The following CEP350 variants were observed in gnomAD, a reference collection of about 807,000 sequenced individuals.
CEP350 encodes the protein centrosome-associated protein 350.
CEP350 carries 126 observed loss-of-function variants against 331.8 expected under a neutral mutation model. That is an observed-to-expected ratio of 0.38 (90% CI 0.33 to 0.44). The LOEUF is 0.44. Among genes scored for constraint, CEP350 ranks in the 20% least tolerant of loss-of-function variants. CEP350 has a pLI of 1.00. For synonymous variants in CEP350, 1,200 were observed against 1,259.5 expected, an observed-to-expected ratio of 0.95 and a Z score of 1.00; for missense variants, 3,406 against 3,634.6, an observed-to-expected ratio of 0.94 and a Z score of 1.62.
At chr1:180,087,850 A>C in intron 32 of CEP350, 133 bp downstream of exon 32, 1 of 997,418 alleles carries the variant, frequency 1.0e-6, no homozygotes, top group Non-Finnish European at 1.3e-6. Flanking sequence ...TTTTAGTGTC[A>C]GTAAATTAAA....
At chr1:179,964,769 T>A (rs893859432) in intron 1 of CEP350, among the ~76,000 whole-genome samples, 12 of 151,574 alleles carry the variant, frequency 7.9e-5, no homozygotes, top group African/African-American at 2.9e-4. Context: ...CTTCTCACTT[T>A]TTTTTTTTTT....
At chr1:180,083,466 G>A (rs1348958096) in intron 30 of CEP350, among the ~76,000 whole-genome samples, 2 of 152,154 alleles carry the variant, frequency 1.3e-5, no homozygotes, top group Non-Finnish European at 2.9e-5. Context: ...AGCTTTCAAA[G>A]AGAGATTACA....
chr1:180,093,446 T>C lies in CEP350; in HGVS notation c.7341T>C (p.His2447=). The change falls in exon 34 of 38, where the codon CAT becomes CAC. Residue 2447 remains histidine (H), a synonymous_variant. Coordinates refer to ENST00000367607, the MANE Select transcript of CEP350 (RefSeq NM_014810.5). The part of the protein sequence containing the change: ...ECLSEKSLSI[H]SNVHSDRLLE... Reference sequence around the variant, plus strand: ...TAAGTGAGAAAAGCCTTTCTATCCATAGCAATGTTCATTCTGACAGGCTGT... The same window carrying C: ...TAAGTGAGAAAAGCCTTTCTATCCACAGCAATGTTCATTCTGACAGGCTGT... 6.2e-7 allele frequency: 1 copy of C among 1,604,498 alleles called. No homozygotes were observed. The highest frequency in any genetic ancestry group is 8.5e-7 in the Non-Finnish European group (1 of 1,175,082).
In CEP350 at chr1:180,062,259, C is replaced by G; in HGVS notation, c.5302C>G (p.Arg1768Gly). 1 of 1,609,474 alleles carries G rather than the reference C, an allele frequency of 6.2e-7. No homozygotes were observed. Among genetic ancestry groups the G allele is most frequent in the Non-Finnish European group, 8.5e-7 (1 of 1,177,788 alleles). Reference protein sequence around the residue: ...KRLQEANKAARKERQLILKQQ... With the variant: ...KRLQEANKAAGKERQLILKQQ... ...TCTTCAAGAAGCCAATAAGGCAGCT[C>G]GGAAGGAAAGACAGCTGATTCTTAA... is the stretch of plus-strand genomic sequence containing the variant. Residue 1768 changes from arginine (R) to glycine (G), a missense_variant, in exon 26 of 38, where the codon CGG becomes GGG. Transcript: ENST00000367607.
In CEP350 at chr1:180,084,121, A is replaced by G. The variant is rs1347901917; in HGVS notation, c.6228A>G (p.Lys2076=). 2.5e-6 allele frequency: 4 copies of G among 1,589,060 alleles called. No individual in the cohort carries two copies. Among genetic ancestry groups the G allele is most frequent in the South Asian group, 1.2e-5 (1 of 86,932 alleles). The stretch of plus-strand genomic sequence containing the variant: ...TGAACCAGCTGAAGAAGGAACAGAA[A>G]AAAAGGCAAAAGGAAAGACTGAAAG... ...SVVNQLKKEQ[K]KRQKERLKAQ... Residue 2076 remains lysine, a synonymous_variant, in exon 31 of 38, where the codon AAA becomes AAG. Coordinates refer to ENST00000367607, the MANE Select transcript of CEP350 (RefSeq NM_014810.5).
In CEP350 at chr1:179,992,045, A is replaced by T; in HGVS notation, c.236-17A>T. Reference sequence around the variant, plus strand: ...TATTTTATATTATATGTTCTCACAGATTTCCTTTTCCTTCAGATGGTAGAT... The same window carrying T: ...TATTTTATATTATATGTTCTCACAGTTTTCCTTTTCCTTCAGATGGTAGAT... On this transcript the variant is annotated splice_polypyrimidine_tract_variant and intron_variant, in intron 4 of 37. Coordinates refer to ENST00000367607, the MANE Select transcript of CEP350 (RefSeq NM_014810.5). The T allele has an allele frequency of 6.6e-7, 1 of 1,512,888 alleles. No individual in the cohort carries two copies. 93.7% of individuals were successfully genotyped at this position (1,512,888 alleles called of 1,614,324 possible).
chr1:180,073,950 G>C, intron 27 of CEP350: 5 of 1,297,998 alleles, frequency 3.9e-6, no homozygotes, highest in Non-Finnish European at 5.1e-6. Flanking sequence ...GATAGAGCAT[G>C]CTCTGTTCTT....
rs367800044 is a variant in CEP350, at chr1:180,048,651, G to A, written c.4738G>A (p.Ala1580Thr). The A allele has an allele frequency of 2.5e-6, 4 of 1,612,282 alleles. No individual in the cohort carries two copies. The Admixed American group carries it at 5.0e-5, about 20-fold the overall frequency. The change falls in exon 22 of 38, where the codon GCT becomes ACT. Residue 1580 changes from alanine to threonine, a missense_variant. Transcript: ENST00000367607. ...TTCCATTGATGAACAGGTTCAGACT[G>A]CTGCAGATGATTCTCTACGAAGTGA... ...ESSIDEQVQT[A>T]ADDSLRSDSV...
At chr1:180,097,581 CAA>C (rs1660555445) in intron 36 of CEP350, among the ~76,000 whole-genome samples, 1 of 151,936 alleles carries the variant, frequency 6.6e-6, no homozygotes, top group South Asian at 2.1e-4. Context: ...ATAAAAGTAA[CAA>C]AATAAATTAT....
At chr1:179,971,322 C>T (rs989553729) in intron 1 of CEP350, among the ~76,000 whole-genome samples, 3 of 152,020 alleles carry the variant, frequency 2.0e-5, no homozygotes, top group South Asian at 4.1e-4. Context: ...AGCCACTGCG[C>T]CCTGCCTTGT....
At chr1:180,016,297 T>A (rs112476096) in intron 11 of CEP350, among the ~76,000 whole-genome samples, 1,524 of 152,326 alleles carry the variant, frequency 0.01, 27 homozygotes, top group African/African-American at 0.033. Flanking sequence ...TTGGTTAATT[T>A]CAAACGGGTT....
At chr1:180,030,528 G>C (rs1468196769) in intron 14 of CEP350, among the ~76,000 whole-genome samples, 1 of 151,756 alleles carries the variant, frequency 6.6e-6, no homozygotes. Context: ...GGAGGCCTGG[G>C]TGTATGTCAT....
intron 13 of CEP350, among the ~76,000 whole-genome samples, chr1:180,024,114 TTATAA>T (rs1167307284): frequency 6.6e-6 from 1 of 151,956 alleles, no homozygotes; most frequent in African/African-American, 2.4e-5. Flanking sequence ...GGAGAAATAG[TTATAA>T]TATATAAATT....
intron 1 of CEP350, among the ~76,000 whole-genome samples, chr1:179,974,846 T>C (rs1039903379): frequency 1.3e-5 from 2 of 151,950 alleles, no homozygotes; most frequent in Non-Finnish European, 2.9e-5. Context: ...GATAAATTCG[T>C]TGGACATGGT....
At chr1:179,995,551 G>A (rs112584834) in intron 5 of CEP350, among the ~76,000 whole-genome samples, 18,860 of 152,166 alleles carry the variant, frequency 0.12, 1,246 homozygotes, top group South Asian at 0.16. Context: ...GTTGCAGTGA[G>A]CGAGATCGCA....
intron 5 of CEP350, among the ~76,000 whole-genome samples, chr1:179,993,177 A>G (rs570560534): frequency 2.6e-5 from 4 of 152,166 alleles, no homozygotes; most frequent in South Asian, 4.2e-4. Flanking sequence ...TCGAAGCACT[A>G]GAAGTGCTGG....
chr1:179,993,413 A>G (rs1304939026), intron 5 of CEP350, among the ~76,000 whole-genome samples: 1 of 152,030 alleles, frequency 6.6e-6, no homozygotes, highest in East Asian at 1.9e-4. Flanking sequence ...TACATTTAAA[A>G]GTATGTAAAT....
rs142057657 is a variant in CEP350 at position 180,004,873 on chromosome 1, G to GGCTTGCTTGCTT, written c.1133-1556_1133-1545dup. On this transcript the variant is annotated intron_variant, in intron 7 of 37. Transcript: ENST00000367607. ...CAGAGCTTGGGCAGGCAGGCTGGCTGGCTTGCTTGCTTGCTTGCTTGCTTG... is the reference window on the plus strand; with the variant it reads ...CAGAGCTTGGGCAGGCAGGCTGGCTGGCTTGCTTGCTTGCTTGCTTGCTTGCTTGCTTGCTTG... 3.0e-3 allele frequency among the ~76,000 whole-genome samples: 301 copies of GGCTTGCTTGCTT among 100,546 alleles called. 7 individuals carry two copies. Among genetic ancestry groups the GGCTTGCTTGCTT allele is most frequent in the African/African-American group, 8.2e-3 (233 of 28,306 alleles). 66.0% of individuals were successfully genotyped at this position (100,546 alleles called of 152,430 possible).
intron 14 of CEP350, among the ~76,000 whole-genome samples, chr1:180,029,578 T>TTTCCCGTACTGAAGCTCTGTA (rs1655880324): frequency 6.6e-6 from 1 of 152,214 alleles, no homozygotes; most frequent in Non-Finnish European, 1.5e-5. Flanking sequence ...ACTTTCTCAG[T>TTTCCCGTACTGAAGCTCTGTA]TTCCCGTACT....
Sources: gnomAD v4.1 joint callset for allele counts (sites outside exome capture counted in the v4.1 genomes callset) on GRCh38, gnomAD v4.1.1 for gene constraint, MANE v1.5 for transcripts, NCBI Gene and HGNC (gene_info 2026-07-23, HGNC 2026-07-21) for gene names.